KAZN: variants seen among roughly 807,000 people sequenced by gnomAD.
The protein encoded by KAZN is kazrin, periplakin interacting protein.
Under a neutral mutation model 87.4 loss-of-function variants are expected in KAZN, and 40 were observed. The ratio of observed to expected loss-of-function variants is 0.46; its 90% CI spans 0.36 to 0.60. The LOEUF (loss-of-function observed/expected upper bound fraction) is 0.60. KAZN is among the 20% of genes least tolerant of loss of function. The pLI is 0.00. For synonymous variants in KAZN, 466 were observed against 458.3 expected (o/e 1.02, Z -0.22); for missense variants, 898 against 1,073.9 (o/e 0.84, Z 2.29).
intron 2 of KAZN, among the ~76,000 whole-genome samples, chr1:14,222,859 A>G (rs1557572866): frequency 6.6e-6 from 1 of 152,194 alleles, no homozygotes. Context: ...GTATCTCAGG[A>G]TAATTTTAAA....
chr1:14,766,245 T>G (rs12079599), intron 1 of KAZN, among the ~76,000 whole-genome samples: 131,000 of 152,032 alleles, frequency 0.86, 56,969 homozygotes, highest in Middle Eastern at 0.93. Context: ...GGTCTTCACC[T>G]GCCAACTCCC....
intron 2 of KAZN, among the ~76,000 whole-genome samples, chr1:14,442,970 T>C (rs909188723): frequency 9.8e-5 from 15 of 152,316 alleles, no homozygotes; most frequent in African/African-American, 3.4e-4. Context: ...AGTCTTTCTT[T>C]TGGGAACTCA....
chr1:14,069,195 C>G (rs1643141927), intron 1 of KAZN, among the ~76,000 whole-genome samples: 1 of 152,136 alleles, frequency 6.6e-6, no homozygotes, highest in Non-Finnish European at 1.5e-5. Context: ...CAGGATGGAA[C>G]CTGGTAAGTG....
At chr1:14,758,408 A>C (rs553169341) in intron 1 of KAZN, among the ~76,000 whole-genome samples, 1 of 152,168 alleles carries the variant, frequency 6.6e-6, no homozygotes, top group Non-Finnish European at 1.5e-5. Flanking sequence ...TCTGAGCTCA[A>C]GTGATGCTTC....
chr1:15,031,393 G>C (rs989569656), intron 2 of KAZN, among the ~76,000 whole-genome samples: 1 of 152,326 alleles, frequency 6.6e-6, no homozygotes, highest in African/African-American at 2.4e-5. Flanking sequence ...ATTCTCTCCA[G>C]GAAAAGGACG....
chr1:14,944,585 G>A (rs1381522998), intron 1 of KAZN, among the ~76,000 whole-genome samples: 1 of 152,224 alleles, frequency 6.6e-6, no homozygotes, highest in African/African-American at 2.4e-5. Context: ...CTGTGCATGG[G>A]AGATGGGCCA....
At chr1:14,226,580 T>TACCATAAAGAC (rs1647311907) in intron 2 of KAZN, among the ~76,000 whole-genome samples, 1 of 152,208 alleles carries the variant, frequency 6.6e-6, no homozygotes, top group Non-Finnish European at 1.5e-5. Context: ...TAAGTCATTC[T>TACCATAAAGAC]ACCATAAAGA....
At chr1:14,132,670 G>C (rs560122605) in intron 1 of KAZN, among the ~76,000 whole-genome samples, 1 of 152,230 alleles carries the variant, frequency 6.6e-6, no homozygotes, top group East Asian at 1.9e-4. Context: ...GCCAAAACCT[G>C]CCTTCTGATA....
intron 2 of KAZN, among the ~76,000 whole-genome samples, chr1:14,231,649 A>G (rs1282594178): frequency 6.6e-6 from 1 of 152,210 alleles, no homozygotes; most frequent in Non-Finnish European, 1.5e-5. Flanking sequence ...GGAATTCCTC[A>G]ACACTACCTA....
At position 15,021,954 on chromosome 1, in the gene KAZN, G is replaced by A. The variant is rs544220430; in HGVS notation, c.419-12795G>A. Reference sequence around the variant, plus strand: ...CTTCTTACATGGTGGCAGCAAGATAGAGCATGAGAGCCAGGGGAAAACCAT... The same window carrying A: ...CTTCTTACATGGTGGCAGCAAGATAAAGCATGAGAGCCAGGGGAAAACCAT... On this transcript the variant is annotated intron_variant, in intron 2 of 14. Transcript: ENST00000376030. The surrounding 1 kb of genome is among the most constrained non-coding windows in gnomAD (Gnocchi z 4.2). 2.2e-4 allele frequency among the ~76,000 whole-genome samples: 34 copies of A among 152,264 alleles called. No individual in the cohort carries two copies. The highest frequency in any genetic ancestry group is 8.2e-4 in the African/African-American group (34 of 41,560).
intron 1 of KAZN, among the ~76,000 whole-genome samples, chr1:14,900,031 G>A (rs1277607666): frequency 6.6e-6 from 1 of 152,216 alleles, no homozygotes; most frequent in Admixed American, 6.5e-5. Context: ...AGATCCTTGG[G>A]ACTCAGGCCA....
chr1:14,212,890 G>C (rs527892480), intron 2 of KAZN, among the ~76,000 whole-genome samples: 1 of 152,260 alleles, frequency 6.6e-6, no homozygotes, highest in African/African-American at 2.4e-5. Flanking sequence ...TGAAAATATA[G>C]TTTTATCCAT....
At chr1:14,998,002 T>TA (rs1557699945) in intron 2 of KAZN, among the ~76,000 whole-genome samples, 4 of 152,088 alleles carry the variant, frequency 2.6e-5, no homozygotes. Flanking sequence ...TCACTGTCGT[T>TA]ATTGAGCCTG....
chr1:14,461,003 C>G (rs2480046), intron 2 of KAZN, among the ~76,000 whole-genome samples: 84,140 of 151,962 alleles, frequency 0.55, 24,132 homozygotes, highest in African/African-American at 0.7. Context: ...CCTGCGCTGT[C>G]GTCTGCCTGC....
intron 2 of KAZN, among the ~76,000 whole-genome samples, chr1:14,583,659 T>C (rs1318537080): frequency 6.6e-6 from 1 of 152,178 alleles, no homozygotes; most frequent in African/African-American, 2.4e-5. Context: ...CAGAGGGTGA[T>C]AGCTGGTGAG....
chr1:14,605,071 T>C (rs1477107664), intron 1 of KAZN, among the ~76,000 whole-genome samples: 1 of 152,218 alleles, frequency 6.6e-6, no homozygotes, highest in Non-Finnish European at 1.5e-5. Flanking sequence ...TTAAAGAAGC[T>C]GATATTCTCC....
chr1:14,746,592 T>C (rs1287691223), intron 1 of KAZN, among the ~76,000 whole-genome samples: 2 of 151,922 alleles, frequency 1.3e-5, no homozygotes, highest in East Asian at 3.9e-4. Context: ...CCAGAGGCCA[T>C]TGACAAGCAG....
chr1:14,655,424 C>T (rs761191), intron 1 of KAZN, among the ~76,000 whole-genome samples: 83,762 of 151,992 alleles, frequency 0.55, 23,357 homozygotes, highest in Admixed American at 0.6. Flanking sequence ...TCATAATTAT[C>T]TTTCTTGTCC....
chr1:14,486,623 G>C (rs1350848814), intron 2 of KAZN, among the ~76,000 whole-genome samples: 1 of 152,182 alleles, frequency 6.6e-6, no homozygotes, highest in Admixed American at 6.5e-5. Context: ...ATCCACAAAA[G>C]ATAATGCGTA....
Sources: allele counts gnomAD v4.1 joint callset (sites outside exome capture counted in the v4.1 genomes callset), GRCh38; gene constraint gnomAD v4.1.1; non-coding constraint Gnocchi (gnomAD v3.1); transcripts MANE v1.5; gene names NCBI Gene and HGNC (gene_info 2026-07-23, HGNC 2026-07-21).